The following CAPN5 variants were observed in gnomAD, a reference collection of about 807,000 sequenced individuals.
CAPN5 encodes the protein calpain-5.
In CAPN5, 54 loss-of-function variants were observed where a neutral mutation model predicts 73.0. The observed-to-expected ratio is 0.74, with a 90% CI of 0.59 to 0.93. CAPN5 has a LOEUF of 0.93. Ranked by LOEUF, CAPN5 falls within the 40% of genes least tolerant of loss-of-function variation. The pLI is 0.00. For synonymous variants in CAPN5, 335 were observed against 356.9 expected (o/e 0.94, Z 0.69); for missense variants, 785 against 882.9 (o/e 0.89, Z 1.41).
At chr11:77,084,468 C>T (rs567096862) in intron 1 of CAPN5, among the ~76,000 whole-genome samples, 13 of 152,282 alleles carry the variant, frequency 8.5e-5, no homozygotes, top group Admixed American at 3.3e-4. Context: ...CAGAGGCACA[C>T]GCTGCTTTCC....
At chr11:77,117,609 C>T (rs1000869264) in intron 7 of CAPN5, among the ~76,000 whole-genome samples, 7 of 152,204 alleles carry the variant, frequency 4.6e-5, no homozygotes, top group African/African-American at 7.2e-5. Flanking sequence ...TACATGTTCA[C>T]GGTTAATTCA....
Position 77,120,847 on chromosome 11 carries a change from C to G in CAPN5, c.1425C>G (p.Phe475Leu). ...EGRYVIIPTT[F>L]EPGHTGEFLL... The stretch of plus-strand genomic sequence containing the variant: ...GCTATGTCATCATCCCCACAACCTT[C>G]GAGCCAGGCCACACTGGCGAGTTCC... The change falls in exon 10 of 13, where the codon TTC becomes TTG. Residue 475 changes from phenylalanine (F) to leucine (L), a missense_variant. Coordinates refer to ENST00000648180, the MANE Select transcript of CAPN5 (RefSeq NM_004055.5). 6.2e-7 allele frequency: 1 copy of G among 1,614,158 alleles called. No homozygotes were observed. Among genetic ancestry groups the G allele is most frequent in the Non-Finnish European group, 8.5e-7 (1 of 1,180,008 alleles).
At chr11:77,067,915 C>T (rs1000442939) in intron 1 of CAPN5, among the ~76,000 whole-genome samples, 6 of 152,052 alleles carry the variant, frequency 3.9e-5, no homozygotes, top group Non-Finnish European at 5.9e-5. Context: ...AAGTCAGCTG[C>T]CCTCTCAGGA....
At chr11:77,094,311 C>T (rs1555037185) in intron 3 of CAPN5, among the ~76,000 whole-genome samples, 1 of 152,176 alleles carries the variant, frequency 6.6e-6, no homozygotes, top group African/African-American at 2.4e-5. Flanking sequence ...TGGACCAGGG[C>T]CAAAGGGTTT....
At chr11:77,095,579 G>A (rs1366077069) in intron 3 of CAPN5, among the ~76,000 whole-genome samples, 2 of 152,202 alleles carry the variant, frequency 1.3e-5, no homozygotes, top group African/African-American at 4.8e-5. Context: ...GTTGGACTCA[G>A]CTACCACCCA....
chr11:77,086,911 C>T (rs1398220749), intron 2 of CAPN5, among the ~76,000 whole-genome samples: 1 of 152,214 alleles, frequency 6.6e-6, no homozygotes. Flanking sequence ...GTCAGCTGCC[C>T]TTTCTGAGCC....
intron 3 of CAPN5, chr11:77,103,267 T>A: frequency 6.2e-7 from 1 of 1,613,362 alleles, no homozygotes; most frequent in South Asian, 1.1e-5. Context: ...TACTTCCTCG[T>A]CACCTTTGGC....
chr11:77,082,583 A>G (rs1351404028), intron 1 of CAPN5, among the ~76,000 whole-genome samples: 1 of 152,104 alleles, frequency 6.6e-6, no homozygotes, highest in Non-Finnish European at 1.5e-5. Flanking sequence ...GAAGAACCTC[A>G]CATAAGTAGG....
chr11:77,093,592 CTGTCACGTCTGTG>C (rs1950175283), intron 2 of CAPN5, 77 bp from the exon 3 acceptor site: 8 of 762,194 alleles, frequency 1.0e-5, no homozygotes, highest in Non-Finnish European at 1.3e-5. Flanking sequence ...AAGTCTGTGT[CTGTCACGTCTGTG>C]TCTGTCATGT....
At chr11:77,120,436 G>T in intron 9 of CAPN5, 1 of 384,416 alleles carries the variant, frequency 2.6e-6, no homozygotes, top group Admixed American at 4.4e-5. Flanking sequence ...TGTGTGATCA[G>T]AGTTTATGCA....
intron 1 of CAPN5, among the ~76,000 whole-genome samples, chr11:77,070,986 C>G (rs782313437): frequency 6.6e-6 from 1 of 152,202 alleles, no homozygotes; most frequent in Non-Finnish European, 1.5e-5. Context: ...TCTCAAAATC[C>G]TTAATCGCAT....
In CAPN5 at chr11:77,124,085, A is replaced by G; in HGVS notation, c.*215A>G. ...CTCGTGGAGGAGTTTCCTTGCTGAG[A>G]TTTCAAATAGTCCTCCCCACCTCAA... On this transcript the variant is annotated 3_prime_UTR_variant, in exon 13 of 13. Coordinates refer to ENST00000648180, the MANE Select transcript of CAPN5 (RefSeq NM_004055.5). The G allele has an allele frequency of 1.7e-6, 1 of 579,170 alleles. No individual in the cohort carries two copies. Among genetic ancestry groups the G allele is most frequent in the Non-Finnish European group, 3.1e-6 (1 of 326,786 alleles). The allele number at this position is 579,170 out of a possible 1,614,324, so 35.9% of individuals were successfully genotyped here.
At chr11:77,116,915 T>C (rs1950473938) in intron 7 of CAPN5, among the ~76,000 whole-genome samples, 1 of 152,090 alleles carries the variant, frequency 6.6e-6, no homozygotes, top group Non-Finnish European at 1.5e-5. Context: ...ATGGGTGAGC[T>C]GGGAAGATGA....
intron 1 of CAPN5, among the ~76,000 whole-genome samples, chr11:77,080,998 C>G (rs1555034525): frequency 6.6e-6 from 1 of 152,204 alleles, no homozygotes; most frequent in Non-Finnish European, 1.5e-5. Context: ...AGAGGCCTCA[C>G]TGTGCAGGCT....
chr11:77,116,360 C>CGGGGAGCACCAGGT (rs1950468792), intron 7 of CAPN5, 57 bp downstream of exon 7: 1 of 1,390,600 alleles, frequency 7.2e-7, no homozygotes, highest in African/African-American at 1.4e-5. Flanking sequence ...ACGGGCCTGG[C>CGGGGAGCACCAGGT]GGGGAGCACC....
intron 1 of CAPN5, among the ~76,000 whole-genome samples, chr11:77,069,548 G>A (rs373863352): frequency 2.1e-4 from 32 of 152,072 alleles, no homozygotes; most frequent in Non-Finnish European, 3.4e-4. Flanking sequence ...CTGAGCAGCC[G>A]GGAGCACCCT....
At chr11:77,072,926 TG>T in intron 1 of CAPN5, 1 of 385,486 alleles carries the variant, frequency 2.6e-6, no homozygotes, top group Non-Finnish European at 5.0e-6. Context: ...GGAGCTTTCC[TG>T]GGCTCACACA....
chr11:77,098,450 C>G (rs1555038017), intron 3 of CAPN5, among the ~76,000 whole-genome samples: 20 of 101,974 alleles, frequency 2.0e-4, no homozygotes, highest in East Asian at 9.2e-4. Flanking sequence ...GTAGGGGCGG[C>G]CGGGCAGAGG....
chr11:77,071,544 T>G (rs782616530), intron 1 of CAPN5: 4 of 425,070 alleles, frequency 9.4e-6, no homozygotes, highest in Middle Eastern at 3.4e-4. Context: ...GGCCAAGTCC[T>G]GTCTGGTATG....
Sources: gnomAD v4.1 joint callset for allele counts (sites outside exome capture counted in the v4.1 genomes callset) on GRCh38, gnomAD v4.1.1 for gene constraint, MANE v1.5 for transcripts, NCBI Gene and HGNC (gene_info 2026-07-23, HGNC 2026-07-21) for gene names.